The following DST variants were observed in gnomAD, a reference collection of about 807,000 sequenced individuals.
DST encodes bullous pemphigoid antigen.
A neutral mutation model predicts 875.2 loss-of-function variants in DST; 253 were observed. The observed-to-expected ratio is 0.29, with a 90% confidence interval of 0.26 to 0.32. DST has a LOEUF of 0.32. Among genes scored for constraint, DST ranks in the 10% least tolerant of loss-of-function variants. The pLI is 1.00. For missense variants in DST, 8,287 were observed against 9,111.6 expected (o/e 0.91, Z 3.68); for synonymous variants, 3,124 against 3,197.1 (o/e 0.98, Z 0.77).
intron 15 of DST, chr6:56,642,724 C>CACCAA: frequency 6.2e-7 from 1 of 1,614,076 alleles, no homozygotes; most frequent in African/African-American, 1.3e-5. Flanking sequence ...AAGACTGGTT[C>CACCAA]GAGTGCTGGT....
chr6:56,738,938 T>G (rs946072989), intron 4 of DST, among the ~76,000 whole-genome samples: 1 of 151,930 alleles, frequency 6.6e-6, no homozygotes, highest in Admixed American at 6.6e-5. Context: ...ATTATTTTAT[T>G]TGCCTCATTC....
chr6:56,811,354 C>T (rs1463261086), intron 4 of DST, among the ~76,000 whole-genome samples: 2 of 152,078 alleles, frequency 1.3e-5, no homozygotes, highest in African/African-American at 4.8e-5. Context: ...CAGGTCCTCT[C>T]CCCCTGCTAC....
intron 3 of DST, among the ~76,000 whole-genome samples, chr6:56,881,778 G>GT (rs542722431): frequency 1.4e-3 from 208 of 149,394 alleles, no homozygotes; most frequent in African/African-American, 5.0e-3. Context: ...CTCTTTATTG[G>GT]TAAAAAAAAA....
At chr6:56,634,105 C>A in intron 27 of DST, 27 bp downstream of exon 27, 1 of 1,611,910 alleles carries the variant, frequency 6.2e-7, no homozygotes, top group East Asian at 2.2e-5. Context: ...TTGGACATAT[C>A]GAGTTGACAT....
At chr6:56,725,875 A>C (rs1334179199) in intron 5 of DST, among the ~76,000 whole-genome samples, 2 of 152,156 alleles carry the variant, frequency 1.3e-5, no homozygotes, top group African/African-American at 4.8e-5. Flanking sequence ...CATATTAATG[A>C]ATGCCATGGG....
rs531322848 is a variant in DST, at chr6:56,738,685, A to C, written c.626-3396T>G. Among the ~76,000 whole-genome samples the C allele has an allele frequency of 5.9e-5, 9 of 151,774 alleles. No homozygotes were observed. The South Asian group carries it at 1.7e-3, about 28-fold the overall frequency. ...TGCCCAGGCTGGACTACAGTGGCAC[A>C]ATCTTGGCTTACTGCAACCTCCACG... On this transcript the variant is annotated intron_variant, in intron 4 of 103. Transcript: ENST00000680361.
intron 47 of DST, 41 bp downstream of exon 47, chr6:56,597,699 G>A: frequency 1.3e-6 from 2 of 1,568,774 alleles, no homozygotes; most frequent in Non-Finnish European, 1.7e-6. Context: ...TACCAACCTG[G>A]AAATAGAATT....
chr6:56,645,801 T>G (rs963087191), intron 15 of DST, 65 bp downstream of exon 15: 1 of 1,578,220 alleles, frequency 6.3e-7, no homozygotes, highest in Non-Finnish European at 8.6e-7. Context: ...ACTTAAGTTC[T>G]TTCACAAGAA....
chr6:56,778,916 G>C (rs2099685757), intron 4 of DST, among the ~76,000 whole-genome samples: 1 of 151,976 alleles, frequency 6.6e-6, no homozygotes, highest in African/African-American at 2.4e-5. Flanking sequence ...GGATGACTGG[G>C]TCAAATGGTA....
intron 87 of DST, among the ~76,000 whole-genome samples, chr6:56,485,966 G>A (rs1194957584): frequency 2.6e-5 from 4 of 152,026 alleles, no homozygotes; most frequent in African/African-American, 4.8e-5. Flanking sequence ...TCATTGATCC[G>A]TTTGTCAGGA....
chr6:56,845,907 A>T (rs2099806735), intron 4 of DST, among the ~76,000 whole-genome samples: 1 of 152,382 alleles, frequency 6.6e-6, no homozygotes, highest in Non-Finnish European at 1.5e-5. Context: ...GAAGGGTAAC[A>T]TTGGGTCAAT....
In DST at chr6:56,594,009, T is replaced by C; in HGVS notation, c.12380A>G (p.Lys4127Arg). ...TALAESEKKM[K>R]LTHSLQEELE... Reference sequence around the variant, plus strand: ...TTCTTCCTGCAGAGAGTGAGTTAACTTCATTTTCTTCTCTGACTCAGCCAG... The same window carrying C: ...TTCTTCCTGCAGAGAGTGAGTTAACCTCATTTTCTTCTCTGACTCAGCCAG... The change falls in exon 48 of 104, where the codon AAG (lysine) becomes AGG (arginine). Residue 4127 changes from lysine to arginine, a missense_variant. By Grantham distance (26) the Lys-to-Arg change is conservative. Coordinates refer to ENST00000680361, the MANE Select transcript of DST (RefSeq NM_001374736.1). The C allele has an allele frequency of 6.2e-7, 1 of 1,613,870 alleles. No individual in the cohort carries two copies. Among genetic ancestry groups the C allele is most frequent in the Non-Finnish European group, 8.5e-7 (1 of 1,179,844 alleles).
chr6:56,476,167 T>C lies in DST; in HGVS notation c.21846A>G (p.Ala7282=), dbSNP rs1439144122. 3 of 1,608,504 alleles carry C rather than the reference T, an allele frequency of 1.9e-6. No individual in the cohort carries two copies. The South Asian group carries it at 3.3e-5, about 18-fold the overall frequency. The part of the protein sequence containing the change: ...VIPQEIEEVK[A]LIAEHQTFME... Reference sequence around the variant, plus strand: ...ATTTTACCTGGTGTTCTGCAATGAGTGCTTTCACCTCTTCGATCTCCTGGG... The same window carrying C: ...ATTTTACCTGGTGTTCTGCAATGAGCGCTTTCACCTCTTCGATCTCCTGGG... The change falls in exon 92 of 104, where the codon GCA becomes GCG. Residue 7282 remains alanine (A), a synonymous_variant. Transcript: ENST00000680361.
chr6:56,558,857 T>A (rs891071126), intron 58 of DST, among the ~76,000 whole-genome samples: 7 of 152,106 alleles, frequency 4.6e-5, no homozygotes, highest in African/African-American at 1.7e-4. Context: ...ATGCTATACC[T>A]CCTCTCTATA....
At position 56,603,774 on chromosome 6, in the gene DST, T is replaced by C. The variant is rs2098468473; in HGVS notation, c.10792-61A>G. On this transcript the variant is annotated intron_variant, in intron 40 of 103. Transcript: ENST00000680361. Reference sequence around the variant, plus strand: ...TTTATGCAGATGTTTAAAGCAAATGTATGGGATTATTCTCACATGGTTCAT... The same window carrying C: ...TTTATGCAGATGTTTAAAGCAAATGCATGGGATTATTCTCACATGGTTCAT... 5 of 1,577,000 alleles carry C rather than the reference T, an allele frequency of 3.2e-6. No homozygotes were observed. In the African/African-American group the frequency reaches 6.8e-5, roughly 22 times the overall value.
intron 78 of DST, among the ~76,000 whole-genome samples, chr6:56,502,495 A>G (rs1256241562): frequency 2.0e-5 from 3 of 152,122 alleles, no homozygotes; most frequent in Admixed American, 6.6e-5. Context: ...AATGTAAGCT[A>G]AAGACATAGG....
intron 98 of DST, chr6:56,466,817 T>C (rs1255012137): frequency 6.6e-6 from 1 of 152,242 alleles, no homozygotes; most frequent in Non-Finnish European, 1.5e-5. Context: ...GCTGGATTAA[T>C]ATGCCATTTT....
In DST at chr6:56,555,360, C is replaced by A; in HGVS notation, c.15121G>T (p.Val5041Phe). ...GTAGACAAACCTGCTTTCTGTTCAA[C>A]ATCCTTAAATGATTTTAAGATGCCT... is the stretch of plus-strand genomic sequence containing the variant. ...LEGILKSFKDVEQKAENHVQH... is the reference protein window; with the variant it reads ...LEGILKSFKDFEQKAENHVQH... The change falls in exon 60 of 104, where the codon GTT (valine) becomes TTT (phenylalanine). Residue 5041 changes from valine (V) to phenylalanine (F), a missense_variant. Around this residue, in one of 10 missense-constraint regions of DST, gnomAD observed 1,513 missense variants for 1,677.8 expected, o/e 0.90. Transcript: ENST00000680361. 6.3e-7 allele frequency: 1 copy of A among 1,583,756 alleles called. No homozygotes were observed. The highest frequency in any genetic ancestry group is 1.2e-5 in the South Asian group (1 of 85,322).
intron 49 of DST, among the ~76,000 whole-genome samples, chr6:56,587,688 GC>G (rs1292495062): frequency 2.0e-5 from 3 of 152,134 alleles, no homozygotes; most frequent in African/African-American, 7.2e-5. Context: ...ACAAAGGGAA[GC>G]CCATCAGACT....
Sources: gnomAD v4.1 joint callset for allele counts (sites outside exome capture counted in the v4.1 genomes callset) on GRCh38, gnomAD v4.1.1 for gene constraint, gnomAD v4.1.1 regional missense constraint, MANE v1.5 for transcripts, NCBI Gene and HGNC (gene_info 2026-07-23, HGNC 2026-07-21) for gene names.